The following DDA1 variants were observed in gnomAD, a reference collection of about 807,000 sequenced individuals.
DDA1 encodes DET1 and DDB1 associated 1.
Under a neutral mutation model 18.6 loss-of-function variants are expected in DDA1, and 3 were observed. The observed-to-expected ratio is 0.16, with a 90% CI of 0.07 to 0.42. The LOEUF (loss-of-function observed/expected upper bound fraction) is 0.42. Among genes scored for constraint, DDA1 ranks in the 10% least tolerant of loss-of-function variants. The pLI is 0.99. For synonymous variants in DDA1, 52 were observed against 54.0 expected, an observed-to-expected ratio of 0.96 and a Z score of 0.17; for missense variants, 105 against 138.2, an observed-to-expected ratio of 0.76 and a Z score of 1.20.
chr19:17,320,967 C>CTTTTG lies in DDA1; in HGVS notation c.*1325_*1329dup, dbSNP rs962908935. 4 of 152,274 alleles carry CTTTTG rather than the reference C, an allele frequency of 2.6e-5. No homozygotes were observed. The highest frequency in any genetic ancestry group is 2.1e-4 in the South Asian group (1 of 4,836). 9.4% of individuals were successfully genotyped at this position (152,274 alleles called of 1,614,324 possible). A position where few individuals can be genotyped will look rare whatever the true frequency, so the allele number is the denominator to read the frequency against. ...TGGTGGTGGTGGGGATCTCAGTTTT[C>CTTTTG]TTTTGTTTTGTTTTGTTTGTTTGTT... On this transcript the variant is annotated 3_prime_UTR_variant, in exon 5 of 5. Coordinates refer to ENST00000359866, the MANE Select transcript of DDA1 (RefSeq NM_024050.6).
In DDA1 at chr19:17,314,640, A is replaced by G; in HGVS notation, c.136+251A>G. 1 of 544,070 alleles carries G rather than the reference A, an allele frequency of 1.8e-6. No individual in the cohort carries two copies. Among genetic ancestry groups the G allele is most frequent in the Non-Finnish European group, 3.3e-6 (1 of 303,510 alleles). 33.7% of individuals were successfully genotyped at this position (544,070 alleles called of 1,614,324 possible). On this transcript the variant is annotated intron_variant, in intron 3 of 4. Transcript: ENST00000359866. The surrounding 1 kb of genome is among the most constrained non-coding windows in gnomAD (Gnocchi z 4.6). ...CCACTCCCAGCCCCTGGGGACAGCCAGAAACCTGGCTTTCCCCAGGTGTCT... is the reference window on the plus strand; with the variant it reads ...CCACTCCCAGCCCCTGGGGACAGCCGGAAACCTGGCTTTCCCCAGGTGTCT...
Position 17,315,444 on chromosome 19 carries a change from A to T in DDA1, c.137-490A>T. Among the ~76,000 whole-genome samples, 2 of 121,968 alleles carry T rather than the reference A, an allele frequency of 1.6e-5. 1 individual carries two copies. The highest frequency in any genetic ancestry group is 3.6e-5 in the Non-Finnish European group (2 of 55,016). The allele number at this position is 121,968 out of a possible 152,430, so 80.0% of individuals were successfully genotyped here. ...TGTGTGTGTGCATATATATATATATATATATATATATTAGCCGGGCGTGGT... is the reference window on the plus strand; with the variant it reads ...TGTGTGTGTGCATATATATATATATTTATATATATATTAGCCGGGCGTGGT... On this transcript the variant is annotated intron_variant, in intron 3 of 4. Coordinates refer to ENST00000359866, the MANE Select transcript of DDA1 (RefSeq NM_024050.6).
At chr19:17,309,707 G>A in intron 1 of DDA1, 50 bp downstream of exon 1, 1 of 1,600,560 alleles carries the variant, frequency 6.2e-7, no homozygotes, top group Non-Finnish European at 8.5e-7. Context: ...ACAAAATGGC[G>A]CTGTGGTCCC....
In DDA1 at chr19:17,314,315, A is replaced by C. The variant is rs1226906276; in HGVS notation, c.85-23A>C. 14 of 1,613,682 alleles carry C rather than the reference A, an allele frequency of 8.7e-6. No individual in the cohort carries two copies. Among genetic ancestry groups the C allele is most frequent in the Non-Finnish European group, 1.2e-5 (14 of 1,179,892 alleles). ...CCAGGCCCATGCACTCTCCTAACCCACCCCTTCTCAACCCTCCTGCAGAAC... is the reference window on the plus strand; with the variant it reads ...CCAGGCCCATGCACTCTCCTAACCCCCCCCTTCTCAACCCTCCTGCAGAAC... On this transcript the variant is annotated intron_variant, in intron 2 of 4. Transcript: ENST00000359866. This position sits in a 1 kb window ranked among gnomAD's most constrained non-coding sequence, Gnocchi z 4.6.
At chr19:17,318,459 G>A (rs1049291332) in intron 4 of DDA1, among the ~76,000 whole-genome samples, 3 of 152,014 alleles carry the variant, frequency 2.0e-5, no homozygotes, top group South Asian at 2.1e-4. Flanking sequence ...TTGAACTCCC[G>A]ACCTCAGGTG....
At chr19:17,317,044 G>A (rs2074216670) in intron 4 of DDA1, among the ~76,000 whole-genome samples, 1 of 151,830 alleles carries the variant, frequency 6.6e-6, no homozygotes, top group African/African-American at 2.4e-5. Context: ...GGCCAGCATG[G>A]TGAAACCCCA....
intron 4 of DDA1, 136 bp downstream of exon 4, chr19:17,316,131 TC>T: frequency 1.0e-6 from 1 of 966,312 alleles, no homozygotes; most frequent in Non-Finnish European, 1.6e-6. Context: ...CCCTGGGCGA[TC>T]CAGGAGAGGG....
chr19:17,315,457 A>ATATATATATATATTT, intron 3 of DDA1, among the ~76,000 whole-genome samples: 2 of 63,858 alleles, frequency 3.1e-5, no homozygotes, highest in African/African-American at 1.2e-4. Context: ...TATATATATT[A>ATATATATATATATTT]GCCGGGCGTG....
intron 1 of DDA1, among the ~76,000 whole-genome samples, chr19:17,311,021 C>T (rs886399829): frequency 6.6e-6 from 1 of 152,060 alleles, no homozygotes; most frequent in East Asian, 1.9e-4. Context: ...ACACCAGGCT[C>T]ATTTTTGTAC....
chr19:17,316,363 C>T (rs906837163), intron 4 of DDA1, among the ~76,000 whole-genome samples: 35 of 151,246 alleles, frequency 2.3e-4, no homozygotes, highest in Admixed American at 2.2e-3. Flanking sequence ...GGGCGGATCA[C>T]GAGGTCAGGA....
intron 3 of DDA1, among the ~76,000 whole-genome samples, chr19:17,315,430 A>ATGTG (rs1568354219): frequency 4.9e-5 from 2 of 40,944 alleles, no homozygotes; most frequent in African/African-American, 2.2e-4. Flanking sequence ...GTGTGTGTGC[A>ATGTG]TATATATATA....
chr19:17,317,036 C>G (rs2074216650), intron 4 of DDA1, among the ~76,000 whole-genome samples: 1 of 152,012 alleles, frequency 6.6e-6, no homozygotes, highest in South Asian at 2.1e-4. Flanking sequence ...ACCAGCCTGG[C>G]CAGCATGGTG....
In DDA1 at chr19:17,317,668, T is replaced by TAA. The variant is rs34303101; in HGVS notation, c.198+1692_198+1693dup. Among the ~76,000 whole-genome samples, 165 of 97,696 alleles carry TAA rather than the reference T, an allele frequency of 1.7e-3. 1 individual carries two copies. The highest frequency in any genetic ancestry group is 4.9e-3 in the East Asian group (14 of 2,876). 64.1% of individuals were successfully genotyped at this position (97,696 alleles called of 152,430 possible). On this transcript the variant is annotated intron_variant, in intron 4 of 4. Coordinates refer to ENST00000359866, the MANE Select transcript of DDA1 (RefSeq NM_024050.6). ...AGGCAACACAGCAAAACTCCATCAC[T>TAA]AAAAAAAAAAAAAAAAAAAACAAAT... is the stretch of plus-strand genomic sequence containing the variant.
At chr19:17,315,066 G>A (rs1480585799) in intron 3 of DDA1, among the ~76,000 whole-genome samples, 1 of 128,478 alleles carries the variant, frequency 7.8e-6, no homozygotes, top group African/African-American at 2.7e-5. Context: ...GTTAGACCCT[G>A]TTTCACCAAA....
intron 1 of DDA1, among the ~76,000 whole-genome samples, chr19:17,311,444 T>C (rs1373992986): frequency 4.6e-5 from 7 of 152,158 alleles, no homozygotes. Flanking sequence ...TGTGAGCCAC[T>C]GCGCCCGGCC....
At chr19:17,311,547 G>A (rs1219200502) in intron 1 of DDA1, among the ~76,000 whole-genome samples, 6 of 152,098 alleles carry the variant, frequency 3.9e-5, no homozygotes, top group Non-Finnish European at 5.9e-5. Context: ...CTCACCCTGA[G>A]GCCCCTGGCC....
At chr19:17,315,906 T>A in intron 3 of DDA1, 28 bp from the exon 4 acceptor site, 1 of 1,613,168 alleles carries the variant, frequency 6.2e-7, no homozygotes, top group South Asian at 1.1e-5. Flanking sequence ...GGGAGGCGTC[T>A]GCGACTTTCT....
chr19:17,318,905 G>A (rs1032358060), intron 4 of DDA1, among the ~76,000 whole-genome samples: 1 of 152,082 alleles, frequency 6.6e-6, no homozygotes, highest in African/African-American at 2.4e-5. Context: ...GGAAGGTCGG[G>A]GGACTGTGTG....
At chr19:17,319,507 A>C in intron 4 of DDA1, 39 bp from the exon 5 acceptor site, 1 of 1,527,444 alleles carries the variant, frequency 6.5e-7, no homozygotes, top group Non-Finnish European at 8.9e-7. Context: ...CTGTCCGAAA[A>C]AAAAGACTCA....
Sources: allele counts gnomAD v4.1 joint callset (sites outside exome capture counted in the v4.1 genomes callset), GRCh38; gene constraint gnomAD v4.1.1; non-coding constraint Gnocchi (gnomAD v3.1); transcripts MANE v1.5; gene names NCBI Gene and HGNC (gene_info 2026-07-23, HGNC 2026-07-21).